GSC: variants seen among roughly 807,000 people sequenced by gnomAD.
GSC encodes the protein homeobox protein goosecoid.
GSC carries 13 observed loss-of-function variants against 24.5 expected under a neutral mutation model. The observed-to-expected ratio is 0.53, with a 90% confidence interval of 0.35 to 0.84. GSC has a LOEUF of 0.84. Among genes scored for constraint, GSC ranks in the 40% least tolerant of loss-of-function variants. The probability of loss-of-function intolerance (pLI) is 0.01; values close to 1 mark genes in which losing one functional copy is unlikely to be tolerated. For synonymous variants in GSC, 199 were observed against 182.1 expected, an observed-to-expected ratio of 1.09 and a Z score of -0.75; for missense variants, 382 against 384.2, an observed-to-expected ratio of 0.99 and a Z score of 0.05.
intron 1 of GSC, 114 bp from the exon 2 acceptor site, chr14:94,769,331 A>C (rs1885236158): frequency 3.6e-6 from 5 of 1,371,168 alleles, no homozygotes; most frequent in Non-Finnish European, 4.9e-6. Flanking sequence ...GGATGCTGAG[A>C]ATTGGGGGTG....
chr14:94,768,848 G>A (rs1595157169), intron 2 of GSC, 110 bp downstream of exon 2: 15 of 1,458,412 alleles, frequency 1.0e-5, no homozygotes, highest in East Asian at 2.5e-5. Context: ...GGCCGCCATC[G>A]GGATGTTTTT....
chr14:94,769,584 GA>G, intron 1 of GSC, 76 bp downstream of exon 1: 1 of 1,401,728 alleles, frequency 7.1e-7, no homozygotes. Flanking sequence ...AAAGTTTGAG[GA>G]AGGTGAATTA....
chr14:94,768,725 G>T, intron 2 of GSC, 76 bp from the exon 3 acceptor site: 1 of 1,581,940 alleles, frequency 6.3e-7, no homozygotes, highest in Non-Finnish European at 8.6e-7. Context: ...CGGGGAGCTT[G>T]GTGTGGCGGC....
At chr14:94,769,391 A>C (rs1566881107) in intron 1 of GSC, among the ~76,000 whole-genome samples, 174 bp from the exon 2 acceptor site, 1 of 152,234 alleles carries the variant, frequency 6.6e-6, no homozygotes, top group Non-Finnish European at 1.5e-5. Context: ...TAGAGCATCC[A>C]TCCGCACACC....
Position 94,769,850 on chromosome 14 carries a change from C to A in GSC, c.166G>T (p.Ala56Ser). The change falls in exon 1 of 3, where the codon GCC (alanine) becomes TCC (serine). Residue 56 changes from alanine to serine, a missense_variant. Physicochemically the swap from Ala to Ser is moderately conservative, Grantham distance 99 (BLOSUM62 1). Transcript: ENST00000238558. ...GGGGCCACGGGGCGCGGGTAGAAGGCGCCATAGTCCGAGGAGGCGCCGCCG... is the reference window on the plus strand; with the variant it reads ...GGGGCCACGGGGCGCGGGTAGAAGGAGCCATAGTCCGAGGAGGCGCCGCCG... ...ASGGASSDYG[A>S]FYPRPVAPGG... 3 of 1,469,022 alleles carry A rather than the reference C, an allele frequency of 2.0e-6. No homozygotes were observed. Among genetic ancestry groups the A allele is most frequent in the African/African-American group, 1.5e-5 (1 of 67,774 alleles). The allele number at this position is 1,469,022 out of a possible 1,614,324, so 91.0% of individuals were successfully genotyped here.
In GSC at chr14:94,769,736, G is replaced by A; in HGVS notation, c.280C>T (p.Pro94Ser). The A allele has an allele frequency of 9.0e-6, 13 of 1,443,258 alleles. No individual in the cohort carries two copies. The highest frequency in any genetic ancestry group is 1.5e-5 in the African/African-American group (1 of 66,874). 89.4% of individuals were successfully genotyped at this position (1,443,258 alleles called of 1,614,324 possible). A position where few individuals can be genotyped will look rare whatever the true frequency, so the allele number is the denominator to read the frequency against. The change falls in exon 1 of 3, where the codon CCC becomes TCC. Residue 94 changes from proline to serine, a missense_variant. Pro to Ser is a moderately conservative substitution (Grantham distance 74). Transcript: ENST00000238558. ...GCCCCGCAGCAGGCCGGGCCCACGG[G>A]CGCCGCCTGCACGTGCAGCTGCCCG... is the stretch of plus-strand genomic sequence containing the variant. ...FYGQLHVQAA[P>S]VGPACCGAVP... is the part of the protein sequence containing the mutation.
intron 2 of GSC, 76 bp from the exon 3 acceptor site, chr14:94,768,725 G>C (rs1885219818): frequency 5.1e-6 from 8 of 1,581,824 alleles, no homozygotes; most frequent in Non-Finnish European, 8.6e-7. Flanking sequence ...CGGGGAGCTT[G>C]GTGTGGCGGC....
Position 94,769,832 on chromosome 14 carries a change from C to T in GSC, c.184G>A (p.Val62Met). The T allele has an allele frequency of 2.1e-6, 3 of 1,422,352 alleles. No individual in the cohort carries two copies. The highest frequency in any genetic ancestry group is 1.5e-5 in the South Asian group (1 of 66,640). 88.1% of individuals were successfully genotyped at this position (1,422,352 alleles called of 1,614,324 possible). The change falls in exon 1 of 3, where the codon GTG becomes ATG. Residue 62 changes from valine (V) to methionine (M), a missense_variant. Physicochemically the swap from Val to Met is conservative, Grantham distance 21. Transcript: ENST00000238558. ...GGGAGGCCCGCGCCGCCGGGGGCCACGGGGCGCGGGTAGAAGGCGCCATAG... is the reference window on the plus strand; with the variant it reads ...GGGAGGCCCGCGCCGCCGGGGGCCATGGGGCGCGGGTAGAAGGCGCCATAG... ...SDYGAFYPRP[V>M]APGGAGLPAA...
rs1480852717 is a variant in GSC at position 94,769,033 on chromosome 14, C to T, written c.540G>A (p.Gln180=). The change falls in exon 2 of 3, where the codon CAG becomes CAA. Residue 180 remains glutamine (Q), a synonymous_variant. Transcript: ENST00000238558. ...EQLEALENLF[Q]ETKYPDVGTR... ...TGCCCACGTCCGGGTACTTGGTCTC[C>T]TGGAAGAGGTTCTCGAGAGCTTCGA... 2 of 1,597,406 alleles carry T rather than the reference C, an allele frequency of 1.3e-6. No individual in the cohort carries two copies. Among genetic ancestry groups the T allele is most frequent in the Non-Finnish European group, 1.7e-6 (2 of 1,172,788 alleles).
At chr14:94,768,835 G>A (rs1885222995) in intron 2 of GSC, 123 bp downstream of exon 2, 1 of 1,433,142 alleles carries the variant, frequency 7.0e-7, no homozygotes. Flanking sequence ...CCAGCAGCCT[G>A]CGGGCCGCCA....
In GSC at chr14:94,769,732, A is replaced by G; in HGVS notation, c.284T>C (p.Val95Ala). The G allele has an allele frequency of 6.9e-7, 1 of 1,443,754 alleles. No individual in the cohort carries two copies. The highest frequency in any genetic ancestry group is 9.0e-7 in the Non-Finnish European group (1 of 1,107,710). 89.4% of individuals were successfully genotyped at this position (1,443,754 alleles called of 1,614,324 possible). ...YGQLHVQAAP[V>A]GPACCGAVPP... is the part of the protein sequence containing the mutation. ...CACGGCCCCGCAGCAGGCCGGGCCC[A>G]CGGGCGCCGCCTGCACGTGCAGCTG... The change falls in exon 1 of 3, where the codon GTG (valine) becomes GCG (alanine). Residue 95 changes from valine (V) to alanine (A), a missense_variant. Val to Ala is a moderately conservative substitution (Grantham distance 64). Transcript: ENST00000238558.
At chr14:94,768,864 G>T (rs1320950662) in intron 2 of GSC, 94 bp downstream of exon 2, 4 of 1,497,232 alleles carry the variant, frequency 2.7e-6, no homozygotes, top group Non-Finnish European at 3.6e-6. Context: ...TTTTTAAAGT[G>T]CGGGGAGAGC....
chr14:94,769,433 A>G (rs1445259524), intron 1 of GSC, among the ~76,000 whole-genome samples: 1 of 152,188 alleles, frequency 6.6e-6, no homozygotes, highest in Non-Finnish European at 1.5e-5. Flanking sequence ...TCAAAACAAA[A>G]CAAAACAAAA....
rs778616169 is a variant in GSC, at chr14:94,768,913, G to A, written c.615+45C>T. On this transcript the variant is annotated intron_variant, in intron 2 of 2. Coordinates refer to ENST00000238558, the MANE Select transcript of GSC (RefSeq NM_173849.3). ...GCAAACCCGACTGGGGCCCCACCTCGCGGGGAAGGACCGCTAGGCGCCCAC... is the reference window on the plus strand; with the variant it reads ...GCAAACCCGACTGGGGCCCCACCTCACGGGGAAGGACCGCTAGGCGCCCAC... 3.2e-6 allele frequency: 5 copies of A among 1,553,680 alleles called. No homozygotes were observed. The African/African-American group carries it at 4.1e-5, about 13-fold the overall frequency.
rs112647490 is a variant in GSC at position 94,768,715 on chromosome 14, C to T, written c.616-66G>A. 896 of 1,595,934 alleles carry T rather than the reference C, an allele frequency of 5.6e-4. 13 individuals carry two copies. In the East Asian group the frequency reaches 0.013, roughly 22 times the overall value. ...GCGCTTCCCCCAGTCCCGGGGCACC[C>T]GGGGAGCTTGGTGTGGCGGCGGGAC... On this transcript the variant is annotated intron_variant, in intron 2 of 2. Coordinates refer to ENST00000238558, the MANE Select transcript of GSC (RefSeq NM_173849.3).
At chr14:94,769,423 T>TCAAAACAAAACAAAACAAAA (rs372026110) in intron 1 of GSC, among the ~76,000 whole-genome samples, 1 of 151,916 alleles carries the variant, frequency 6.6e-6, no homozygotes, top group African/African-American at 2.4e-5. Flanking sequence ...GTAAGAGAAT[T>TCAAAACAAAACAAAACAAAA]CAAAACAAAA....
In GSC at chr14:94,768,990, G is replaced by T. The variant is rs1885226974; in HGVS notation, c.583C>A (p.Arg195=). The change falls in exon 2 of 3, where the codon CGG becomes AGG. Residue 195 remains arginine, a synonymous_variant. Transcript: ENST00000238558. Reference sequence around the variant, plus strand: ...TTCTCCTCGCGGAGGTGCACTTTCCGGGCCAGCTGCTCGCGCGTGCCCACG... The same window carrying T: ...TTCTCCTCGCGGAGGTGCACTTTCCTGGCCAGCTGCTCGCGCGTGCCCACG... The part of the protein sequence containing the change: ...PDVGTREQLA[R]KVHLREEKVE... 3 of 1,595,054 alleles carry T rather than the reference G, an allele frequency of 1.9e-6. No individual in the cohort carries two copies. The highest frequency in any genetic ancestry group is 2.6e-6 in the Non-Finnish European group (3 of 1,171,804).
At position 94,768,631 on chromosome 14, in the gene GSC, G is replaced by C. The variant is rs1427043700; in HGVS notation, c.634C>G (p.Arg212Gly). The C allele has an allele frequency of 1.2e-6, 2 of 1,613,800 alleles. No individual in the cohort carries two copies. The highest frequency in any genetic ancestry group is 1.7e-5 in the Admixed American group (1 of 60,026). The change falls in exon 3 of 3, where the codon CGC becomes GGC. Residue 212 changes from arginine to glycine, a missense_variant. By Grantham distance (125) the Arg-to-Gly change is moderately radical (BLOSUM62 -2). Transcript: ENST00000238558. ...EKVEVWFKNR[R>G]AKWRRQKRSS... is the part of the protein sequence containing the mutation. ...CGCTTCTGCCGCCTCCATTTGGCGC[G>C]GCGGTTCTTAAACCAGACCTGTTGC...
chr14:94,769,714 C>T lies in GSC; in HGVS notation c.302G>A (p.Gly101Glu). 1 of 1,450,168 alleles carries T rather than the reference C, an allele frequency of 6.9e-7. No homozygotes were observed. Among genetic ancestry groups the T allele is most frequent in the South Asian group, 1.4e-5 (1 of 71,906 alleles). 89.8% of individuals were successfully genotyped at this position (1,450,168 alleles called of 1,614,324 possible). A position where few individuals can be genotyped will look rare whatever the true frequency, so the allele number is the denominator to read the frequency against. ...CTGGGCGCCCAGCGGCGGCACGGCC[C>T]CGCAGCAGGCCGGGCCCACGGGCGC... The part of the protein sequence containing the change: ...QAAPVGPACC[G>E]AVPPLGAQQC... Residue 101 changes from glycine to glutamate, a missense_variant, in exon 1 of 3, where the codon GGG becomes GAG. Transcript: ENST00000238558.
Sources: allele counts gnomAD v4.1 joint callset (sites outside exome capture counted in the v4.1 genomes callset), GRCh38; gene constraint gnomAD v4.1.1; transcripts MANE v1.5; gene names NCBI Gene and HGNC (gene_info 2026-07-23, HGNC 2026-07-21).